The following MAEA variants were observed in gnomAD, a reference collection of about 807,000 sequenced individuals.
MAEA encodes macrophage erythroblast attacher, E3 ubiquitin ligase.
In MAEA, 22 loss-of-function variants were observed where a neutral mutation model predicts 46.2. The ratio of observed to expected loss-of-function variants is 0.48; its 90% CI spans 0.34 to 0.68. The LOEUF (loss-of-function observed/expected upper bound fraction) is 0.68. Ranked by LOEUF, MAEA falls within the 30% of genes least tolerant of loss-of-function variation. The pLI is 0.01. For missense variants in MAEA, 393 were observed against 558.1 expected (o/e 0.70, Z 2.98); for synonymous variants, 246 against 222.6 (o/e 1.11, Z -0.94).
At chr4:1,304,401 G>A (rs1416145377) in intron 1 of MAEA, among the ~76,000 whole-genome samples, 1 of 151,766 alleles carries the variant, frequency 6.6e-6, no homozygotes, top group Non-Finnish European at 1.5e-5. Flanking sequence ...CCCAAAGCAC[G>A]GGGATTCCAG....
chr4:1,330,054 C>A, intron 5 of MAEA: 1 of 985,264 alleles, frequency 1.0e-6, no homozygotes, highest in South Asian at 4.7e-5. Context: ...CAGGGGGCCT[C>A]GTTGGCTGGG....
At chr4:1,326,844 C>T (rs1017800936) in intron 4 of MAEA, among the ~76,000 whole-genome samples, 2 of 152,238 alleles carry the variant, frequency 1.3e-5, no homozygotes, top group Non-Finnish European at 2.9e-5. Flanking sequence ...CATGTTCTCG[C>T]CAGGTGTCTG....
chr4:1,292,886 CT>C lies in MAEA; in HGVS notation c.69+2922del, dbSNP rs34802084. Among the ~76,000 whole-genome samples, 779 of 128,330 alleles carry C rather than the reference CT, an allele frequency of 6.1e-3. 3 individuals are homozygous for C. Among genetic ancestry groups the C allele is most frequent in the African/African-American group, 0.012 (412 of 34,088 alleles). The allele number at this position is 128,330 out of a possible 152,430, so 84.2% of individuals were successfully genotyped here. A position where few individuals can be genotyped will look rare whatever the true frequency, so the allele number is the denominator to read the frequency against. ...AGGGGAAAGATGAATAACTCACCAT[CT>C]TTTTTTTTTTTTTTTTTCTTTTTTG... On this transcript the variant is annotated intron_variant, in intron 1 of 8. Transcript: ENST00000303400.
In MAEA at chr4:1,315,494, C is replaced by T; in HGVS notation, c.350C>T (p.Ala117Val). The change falls in exon 3 of 9, where the codon GCC becomes GTC. Residue 117 changes from alanine to valine, a missense_variant. This residue lies in a region of MAEA where 358 missense variants were observed against 537.9 expected (regional missense o/e 0.67). Transcript: ENST00000303400. ...KEHSSDQPAA[A>V]SVWKRKRMDR... ...CATAGCAGCGACCAGCCCGCGGCGG[C>T]CAGCGTGTGGAAGAGGAAGCGCATG... 2 of 1,613,890 alleles carry T rather than the reference C, an allele frequency of 1.2e-6. No homozygotes were observed. Among genetic ancestry groups the T allele is most frequent in the Non-Finnish European group, 1.7e-6 (2 of 1,180,004 alleles).
rs542690675 is a variant in MAEA, at chr4:1,329,938, C to T, written c.656+2235C>T. The T allele has an allele frequency of 1.6e-4, 155 of 985,476 alleles. 3 individuals are homozygous for T. The East Asian group carries it at 6.6e-3, about 42-fold the overall frequency. The allele number at this position is 985,476 out of a possible 1,614,324, so 61.0% of individuals were successfully genotyped here. On this transcript the variant is annotated intron_variant, in intron 5 of 8. Coordinates refer to ENST00000303400, the MANE Select transcript of MAEA (RefSeq NM_001017405.3). ...ACTCACGGTCCACATGGCGCTGGAG[C>T]GTCGGGCACCATCTACAGGGCTTGA...
chr4:1,317,509 C>T (rs1560358717), intron 3 of MAEA, among the ~76,000 whole-genome samples: 2 of 151,886 alleles, frequency 1.3e-5, no homozygotes, highest in East Asian at 2.0e-4. Flanking sequence ...ACCCTCCCAC[C>T]CATGCCTTCT....
At position 1,311,235 on chromosome 4, in the gene MAEA, T is replaced by G. The variant is rs536786030; in HGVS notation, c.70-744T>G. Among the ~76,000 whole-genome samples, 8 of 152,168 alleles carry G rather than the reference T, an allele frequency of 5.3e-5. No homozygotes were observed. Among genetic ancestry groups the G allele is most frequent in the African/African-American group, 9.7e-5 (4 of 41,444 alleles). On this transcript the variant is annotated intron_variant, in intron 1 of 8. Transcript: ENST00000303400. This position sits in a 1 kb window ranked among gnomAD's most constrained non-coding sequence, Gnocchi z 4.4. The stretch of plus-strand genomic sequence containing the variant: ...AGTGCAGCCAGGACCGCAGGTGGTG[T>G]TTCCTGCGGGAGCCCGGCCACGGAG...
chr4:1,328,524 G>A, intron 5 of MAEA: 1 of 840,820 alleles, frequency 1.2e-6, no homozygotes, highest in Non-Finnish European at 1.6e-6. Flanking sequence ...GGGTGTGTGG[G>A]CCTGGCTGGC....
intron 1 of MAEA, chr4:1,309,737 A>C: frequency 6.6e-7 from 1 of 1,509,616 alleles, no homozygotes; most frequent in South Asian, 1.2e-5. Flanking sequence ...GGCCTCCTTC[A>C]TGCCTGCGTT....
chr4:1,322,293 C>T, intron 3 of MAEA, 88 bp from the exon 4 acceptor site: 1 of 1,562,102 alleles, frequency 6.4e-7, no homozygotes, highest in Non-Finnish European at 8.7e-7. Flanking sequence ...CGGTGCTGGG[C>T]CTGCCTCATG....
chr4:1,291,555 C>T (rs978556757), intron 1 of MAEA, among the ~76,000 whole-genome samples: 1 of 152,298 alleles, frequency 6.6e-6, no homozygotes, highest in South Asian at 2.1e-4. Flanking sequence ...CCACTGACCA[C>T]TTTGTCTCAC....
intron 1 of MAEA, among the ~76,000 whole-genome samples, chr4:1,304,676 T>C (rs768156847): frequency 2.0e-5 from 3 of 152,092 alleles, no homozygotes; most frequent in Non-Finnish European, 4.4e-5. Flanking sequence ...CCTGACCTCA[T>C]GATCCACCCA....
chr4:1,329,475 C>T (rs868791801), intron 5 of MAEA: 1 of 985,340 alleles, frequency 1.0e-6, no homozygotes, highest in Non-Finnish European at 1.2e-6. Context: ...AAGTGCGTGT[C>T]CTTCCTCCCG....
chr4:1,319,003 C>G (rs1223211644), intron 3 of MAEA, among the ~76,000 whole-genome samples: 15 of 152,096 alleles, frequency 9.9e-5, no homozygotes. Context: ...CGAGGGAAGG[C>G]TGCCCAGGAG....
chr4:1,305,738 T>TGGGAGTGTGCGTGCGTGCACGTGCGC (rs1482019362), intron 1 of MAEA, among the ~76,000 whole-genome samples: 3 of 151,770 alleles, frequency 2.0e-5, no homozygotes, highest in African/African-American at 7.3e-5. Context: ...CACGCGTGTG[T>TGGGAGTGTGCGTGCGTGCACGTGCGC]GGGAGTGTGC....
intron 2 of MAEA, chr4:1,312,423 ATTTTTTTTTT>A (rs34329974): frequency 3.5e-5 from 6 of 172,022 alleles, no homozygotes; most frequent in African/African-American, 2.0e-4. Flanking sequence ...AGGTTGATTG[ATTTTTTTTTT>A]TTTTTTTTTT....
At chr4:1,299,389 G>C (rs78103442) in intron 1 of MAEA, 6,446 of 153,166 alleles carry the variant, frequency 0.042, 447 homozygotes, top group African/African-American at 0.14. Context: ...AGGCCCAGCT[G>C]CTGCTGCTCT....
Position 1,302,667 on chromosome 4 carries a change from A to G in MAEA, c.70-9312A>G, listed in dbSNP as rs186150195. Among the ~76,000 whole-genome samples the G allele has an allele frequency of 2.3e-3, 350 of 152,248 alleles. 1 individual carries two copies. The highest frequency in any genetic ancestry group is 6.2e-3 in the African/African-American group (259 of 41,550). ...GCTAATTTTTTTGTATTTTTAGTAG[A>G]GACGGGGTTTCACTGTGTTAGCCAG... On this transcript the variant is annotated intron_variant, in intron 1 of 8. Coordinates refer to ENST00000303400, the MANE Select transcript of MAEA (RefSeq NM_001017405.3).
At chr4:1,325,956 T>G (rs1033564747) in intron 4 of MAEA, among the ~76,000 whole-genome samples, 18 of 152,008 alleles carry the variant, frequency 1.2e-4, no homozygotes, top group Non-Finnish European at 1.9e-4. Context: ...CCCGTCTGTC[T>G]AGGGACACAG....
Sources: allele counts gnomAD v4.1 joint callset (sites outside exome capture counted in the v4.1 genomes callset), GRCh38; gene constraint gnomAD v4.1.1; regional missense constraint gnomAD v4.1.1; non-coding constraint Gnocchi (gnomAD v3.1); transcripts MANE v1.5; gene names NCBI Gene and HGNC (gene_info 2026-07-23, HGNC 2026-07-21).